The following ERC2 variants were observed in gnomAD, a reference collection of about 807,000 sequenced individuals.
The protein encoded by ERC2 is ERC protein 2.
Under a neutral mutation model 114.8 loss-of-function variants are expected in ERC2, and 42 were observed. The ratio of observed to expected loss-of-function variants is 0.37; its 90% confidence interval spans 0.29 to 0.47. ERC2 has a LOEUF of 0.47. Among genes scored for constraint, ERC2 ranks in the 20% least tolerant of loss-of-function variants. The pLI is 0.99. For missense variants in ERC2, 939 were observed against 1,150.7 expected (o/e 0.82, Z 2.66); for synonymous variants, 454 against 425.5 (o/e 1.07, Z -0.82).
chr3:55,534,365 T>C (rs1218186892), intron 17 of ERC2, among the ~76,000 whole-genome samples: 1 of 134,502 alleles, frequency 7.4e-6, no homozygotes, highest in African/African-American at 2.8e-5. Flanking sequence ...ACCAACGTAC[T>C]CCAACCTGGA....
chr3:55,965,306 G>A (rs1225922667), intron 12 of ERC2, among the ~76,000 whole-genome samples: 3 of 152,208 alleles, frequency 2.0e-5, no homozygotes, highest in Non-Finnish European at 4.4e-5. Context: ...TGAGCCACAT[G>A]TGACTATTGG....
intron 14 of ERC2, among the ~76,000 whole-genome samples, chr3:55,796,583 G>A (rs1414155776): frequency 3.3e-5 from 5 of 152,058 alleles, no homozygotes; most frequent in Non-Finnish European, 7.4e-5. Context: ...GTGTCACTAC[G>A]CCCAGCTAAC....
intron 1 of ERC2, among the ~76,000 whole-genome samples, chr3:56,460,595 A>G (rs1032311574): frequency 6.6e-6 from 1 of 152,234 alleles, no homozygotes; most frequent in Non-Finnish European, 1.5e-5. Context: ...GTAAATGCTC[A>G]ATAAATGGTG....
intron 13 of ERC2, among the ~76,000 whole-genome samples, chr3:55,922,934 A>G (rs949442911): frequency 6.6e-6 from 1 of 152,132 alleles, no homozygotes; most frequent in African/African-American, 2.4e-5. Context: ...TGCCGGTGAA[A>G]AAGCAAAATG....
intron 14 of ERC2, among the ~76,000 whole-genome samples, chr3:55,765,299 T>C (rs2067699339): frequency 6.6e-6 from 1 of 152,184 alleles, no homozygotes; most frequent in Non-Finnish European, 1.5e-5. Context: ...CTTTTTTCTC[T>C]CCAAGACCCA....
chr3:56,081,643 T>C (rs1019737552), intron 6 of ERC2, among the ~76,000 whole-genome samples: 1 of 152,008 alleles, frequency 6.6e-6, no homozygotes, highest in Non-Finnish European at 1.5e-5. Flanking sequence ...AAAATATAAT[T>C]CCTGCTTTCA....
Position 56,149,869 on chromosome 3 carries a change from A to G in ERC2, c.1150-737T>C, listed in dbSNP as rs150617468. Among the ~76,000 whole-genome samples the G allele has an allele frequency of 6.6e-5, 10 of 152,300 alleles. No homozygotes were observed. The East Asian group carries it at 1.9e-3, about 29-fold the overall frequency. On this transcript the variant is annotated intron_variant, in intron 4 of 17. Coordinates refer to ENST00000288221, the MANE Select transcript of ERC2 (RefSeq NM_015576.3). ...ACACTCAGATGTGGAATTAATTGGGAAAAAATTACCAATGACAGACTCTAT... is the reference window on the plus strand; with the variant it reads ...ACACTCAGATGTGGAATTAATTGGGGAAAAATTACCAATGACAGACTCTAT...
chr3:55,613,472 G>A (rs1268714094), intron 17 of ERC2, among the ~76,000 whole-genome samples: 1 of 152,164 alleles, frequency 6.6e-6, no homozygotes, highest in African/African-American at 2.4e-5. Context: ...GAAAATGCGT[G>A]TATACACATT....
At chr3:56,267,615 C>CG (rs1560491139) in intron 3 of ERC2, among the ~76,000 whole-genome samples, 3 of 144,102 alleles carry the variant, frequency 2.1e-5, no homozygotes. Context: ...ACTAAAAATA[C>CG]AAAAAAAAAA....
At chr3:55,964,287 A>C (rs577636034) in intron 12 of ERC2, among the ~76,000 whole-genome samples, 2 of 152,342 alleles carry the variant, frequency 1.3e-5, no homozygotes, top group Non-Finnish European at 2.9e-5. Context: ...TATACTTAAA[A>C]AGTTAGGGAT....
chr3:56,267,543 G>A (rs368251137), intron 3 of ERC2, among the ~76,000 whole-genome samples: 97 of 152,196 alleles, frequency 6.4e-4, no homozygotes, highest in Non-Finnish European at 1.0e-3. Flanking sequence ...AGGCCAAGGC[G>A]GGTGGATCAT....
chr3:56,029,582 C>A (rs969446917), intron 7 of ERC2, among the ~76,000 whole-genome samples: 5 of 151,946 alleles, frequency 3.3e-5, no homozygotes, highest in Non-Finnish European at 7.4e-5. Context: ...GAAATTGGTC[C>A]ATTTCTACTA....
At chr3:56,410,745 T>A (rs1483779325) in intron 2 of ERC2, among the ~76,000 whole-genome samples, 1 of 151,986 alleles carries the variant, frequency 6.6e-6, no homozygotes, top group Non-Finnish European at 1.5e-5. Context: ...TAGAGGCAAG[T>A]TTTAAACACA....
intron 14 of ERC2, among the ~76,000 whole-genome samples, chr3:55,738,214 G>C (rs1305881936): frequency 6.6e-6 from 1 of 151,872 alleles, no homozygotes; most frequent in Non-Finnish European, 1.5e-5. Flanking sequence ...CATAGTTTTC[G>C]ACATACAAAT....
intron 14 of ERC2, among the ~76,000 whole-genome samples, chr3:55,772,425 C>G (rs905144681): frequency 2.0e-5 from 3 of 152,210 alleles, no homozygotes; most frequent in African/African-American, 4.8e-5. Context: ...TGCCATTCTC[C>G]TGCCTCAGCC....
At chr3:55,674,958 C>T (rs1361330265) in intron 17 of ERC2, among the ~76,000 whole-genome samples, 1 of 152,132 alleles carries the variant, frequency 6.6e-6, no homozygotes, top group Non-Finnish European at 1.5e-5. Flanking sequence ...AAGGAGTCTC[C>T]TTATAAAGGC....
chr3:55,656,322 T>C (rs1313632767), intron 17 of ERC2, among the ~76,000 whole-genome samples: 13 of 152,106 alleles, frequency 8.5e-5, no homozygotes, highest in African/African-American at 3.1e-4. Flanking sequence ...TGTTTTGTTT[T>C]TACTTTTTAT....
At position 55,594,564 on chromosome 3, in the gene ERC2, C is replaced by T. The variant is rs2058046738; in HGVS notation, c.*40-83288G>A. Among the ~76,000 whole-genome samples, 3 of 152,230 alleles carry T rather than the reference C, an allele frequency of 2.0e-5. No individual in the cohort carries two copies. The South Asian group carries it at 6.2e-4, about 32-fold the overall frequency. On this transcript the variant is annotated intron_variant, in intron 17 of 17. Coordinates refer to ENST00000288221, the MANE Select transcript of ERC2 (RefSeq NM_015576.3). ...TGGCGCGATTTTGACTCACTGCAAC[C>T]TCCGCACCCTGGGTTCATGTGATTC...
intron 8 of ERC2, among the ~76,000 whole-genome samples, chr3:56,017,615 T>C (rs2073395482): frequency 1.3e-5 from 2 of 152,120 alleles, no homozygotes; most frequent in South Asian, 4.1e-4. Context: ...CCACTCACTT[T>C]CTTCAAGTGT....
Sources: gnomAD v4.1 joint callset for allele counts (sites outside exome capture counted in the v4.1 genomes callset) on GRCh38, gnomAD v4.1.1 for gene constraint, MANE v1.5 for transcripts, NCBI Gene and HGNC (gene_info 2026-07-23, HGNC 2026-07-21) for gene names.